Variants in PTPN3 observed in about 807,000 individuals in gnomAD.
PTPN3 encodes protein tyrosine phosphatase non-receptor type 3, also known as tyrosine-protein phosphatase non-receptor type 3.
Under a neutral mutation model 132.7 loss-of-function variants are expected in PTPN3, and 96 were observed. That is an observed-to-expected ratio of 0.72 (90% CI 0.61 to 0.86). The LOEUF (loss-of-function observed/expected upper bound fraction) is 0.86. Among genes scored for constraint, PTPN3 ranks in the 40% least tolerant of loss-of-function variants. The probability of loss-of-function intolerance (pLI) is 0.00; values close to 1 mark genes in which losing one functional copy is unlikely to be tolerated. For missense variants in PTPN3, 1,125 were observed against 1,159.6 expected (o/e 0.97, Z 0.43); for synonymous variants, 398 against 429.0 (o/e 0.93, Z 0.89).
At chr9:109,407,064 T>C (rs1328600874) in intron 17 of PTPN3, among the ~76,000 whole-genome samples, 3 of 152,174 alleles carry the variant, frequency 2.0e-5, no homozygotes, top group Non-Finnish European at 4.4e-5. Context: ...AAGCAATGAA[T>C]TGAACAGCAC....
the PTPN3 span, among the ~76,000 whole-genome samples, chr9:109,526,510 A>T: frequency 6.6e-6 from 1 of 151,950 alleles, no homozygotes; most frequent in Non-Finnish European, 1.5e-5. Flanking sequence ...TGATTTCTAC[A>T]AAAAAAGTCA....
chr9:109,423,103 T>A (rs541895471), intron 12 of PTPN3, among the ~76,000 whole-genome samples: 1 of 152,222 alleles, frequency 6.6e-6, no homozygotes, highest in Non-Finnish European at 1.5e-5. Context: ...GTTTCCAGAA[T>A]ATAACCAAAC....
At chr9:109,390,101 T>C (rs1207094780) in intron 21 of PTPN3, among the ~76,000 whole-genome samples, 1 of 152,208 alleles carries the variant, frequency 6.6e-6, no homozygotes, top group Non-Finnish European at 1.5e-5. Flanking sequence ...TCCTCAGTCC[T>C]GGGATTATAT....
Position 109,398,246 on chromosome 9 carries a change from C to T in PTPN3, c.1953+6202G>A, listed in dbSNP as rs372796101. 2.3e-4 allele frequency among the ~76,000 whole-genome samples: 35 copies of T among 152,322 alleles called. No individual in the cohort carries two copies. In the East Asian group the frequency reaches 6.2e-3, roughly 27 times the overall value. Reference sequence around the variant, plus strand: ...TGCAGTGAGCCAAGATCACACACTGCTGCACTCCTGCCTGGGCCACAGAAT... The same window carrying T: ...TGCAGTGAGCCAAGATCACACACTGTTGCACTCCTGCCTGGGCCACAGAAT... On this transcript the variant is annotated intron_variant, in intron 19 of 25. Transcript: ENST00000374541.
intron 1 of PTPN3, among the ~76,000 whole-genome samples, chr9:109,481,694 T>C (rs1564480606): frequency 1.3e-5 from 2 of 152,344 alleles, no homozygotes; most frequent in Middle Eastern, 3.4e-3. Flanking sequence ...GCCATCTCCA[T>C]GGCATCTAGA....
chr9:109,511,010 A>G, the PTPN3 span, among the ~76,000 whole-genome samples: 1 of 152,240 alleles, frequency 6.6e-6, no homozygotes, highest in African/African-American at 2.4e-5. Context: ...TGTAATCAAT[A>G]TCAAACACAA....
At chr9:109,493,086 G>C (rs1332150063) in intron 1 of PTPN3, among the ~76,000 whole-genome samples, 1 of 152,152 alleles carries the variant, frequency 6.6e-6, no homozygotes, top group Non-Finnish European at 1.5e-5. Context: ...CAGATGATTT[G>C]TCTAGGCACA....
At chr9:109,405,505 A>C (rs1044266903) in intron 18 of PTPN3, among the ~76,000 whole-genome samples, 2 of 152,202 alleles carry the variant, frequency 1.3e-5, no homozygotes, top group Non-Finnish European at 2.9e-5. Flanking sequence ...CTATAAAGAC[A>C]ACAGTGTGAT....
Position 109,389,208 on chromosome 9 carries a change from C to T in PTPN3, c.2253+25G>A, listed in dbSNP as rs184850838. 1.4e-3 allele frequency: 2,294 copies of T among 1,612,822 alleles called. 5 individuals are homozygous for T. The highest frequency in any genetic ancestry group is 1.7e-3 in the Non-Finnish European group (1,959 of 1,179,358). ...GAGTAGGGTGTGACACTGCACACATCTGAATTAGAAATCAAGCTACTTACC... is the reference window on the plus strand; with the variant it reads ...GAGTAGGGTGTGACACTGCACACATTTGAATTAGAAATCAAGCTACTTACC... On this transcript the variant is annotated intron_variant, in intron 22 of 25. Coordinates refer to ENST00000374541, the MANE Select transcript of PTPN3 (RefSeq NM_002829.4).
chr9:109,387,852 A>G (rs750533453), intron 22 of PTPN3, among the ~76,000 whole-genome samples: 8 of 152,262 alleles, frequency 5.3e-5, no homozygotes, highest in Non-Finnish European at 1.2e-4. Context: ...TTCAATTGCA[A>G]TGTTTCTAAG....
chr9:109,485,246 GC>G, intron 1 of PTPN3, among the ~76,000 whole-genome samples: 1 of 152,112 alleles, frequency 6.6e-6, no homozygotes, highest in East Asian at 1.9e-4. Flanking sequence ...GGTGGCTCAC[GC>G]CTGTAATCCC....
chr9:109,441,617 T>C (rs1041257446), intron 7 of PTPN3, among the ~76,000 whole-genome samples: 5 of 152,184 alleles, frequency 3.3e-5, no homozygotes, highest in African/African-American at 9.6e-5. Context: ...GTGGCACAGG[T>C]GCAGGGAACA....
At chr9:109,435,921 A>G (rs1011239057) in intron 9 of PTPN3, among the ~76,000 whole-genome samples, 1 of 152,250 alleles carries the variant, frequency 6.6e-6, no homozygotes, top group Non-Finnish European at 1.5e-5. Context: ...CAAGGGACCG[A>G]AGTGAAACAA....
chr9:109,396,869 C>T (rs1014622185), intron 19 of PTPN3, among the ~76,000 whole-genome samples: 1 of 152,174 alleles, frequency 6.6e-6, no homozygotes, highest in African/African-American at 2.4e-5. Flanking sequence ...CATCAGGTGA[C>T]TCTAATCTCC....
At chr9:109,437,172 CTT>C (rs754876679) in intron 8 of PTPN3, among the ~76,000 whole-genome samples, 1 of 152,070 alleles carries the variant, frequency 6.6e-6, no homozygotes, top group Non-Finnish European at 1.5e-5. Flanking sequence ...TCTAGACCCT[CTT>C]GTTTTTAAAT....
chr9:109,502,400 G>A (rs536020694), upstream of PTPN3, among the ~76,000 whole-genome samples: 6 of 152,308 alleles, frequency 3.9e-5, no homozygotes, highest in South Asian at 1.2e-3. Context: ...AAGAGCCCGA[G>A]AATCCATAAA....
At chr9:109,449,637 G>A (rs1037171106) in intron 5 of PTPN3, 3 of 985,322 alleles carry the variant, frequency 3.0e-6, no homozygotes, top group Non-Finnish European at 3.6e-6. Context: ...ATTTAGGGAT[G>A]CGGCATACAT....
chr9:109,424,931 C>T lies in PTPN3; in HGVS notation c.1001+2019G>A, dbSNP rs150104303. Among the ~76,000 whole-genome samples, 632 of 152,268 alleles carry T rather than the reference C, an allele frequency of 4.2e-3. 5 individuals carry two copies. Among genetic ancestry groups the T allele is most frequent in the Non-Finnish European group, 6.9e-3 (471 of 68,022 alleles). ...AGCTTTGCAGATGAAGAAATAGAAG[C>T]AACAAATTAAAGCTCAAGTGACAGA... On this transcript the variant is annotated intron_variant, in intron 12 of 25. Coordinates refer to ENST00000374541, the MANE Select transcript of PTPN3 (RefSeq NM_002829.4).
intron 9 of PTPN3, among the ~76,000 whole-genome samples, chr9:109,434,642 T>G (rs555281769): frequency 6.6e-6 from 1 of 152,314 alleles, no homozygotes; most frequent in Admixed American, 6.5e-5. Flanking sequence ...GGGCATGGTT[T>G]GAGTCAGTCA....
Sources: allele counts gnomAD v4.1 joint callset (sites outside exome capture counted in the v4.1 genomes callset), GRCh38; gene constraint gnomAD v4.1.1; transcripts MANE v1.5; gene names NCBI Gene and HGNC (gene_info 2026-07-23, HGNC 2026-07-21).